TRPM5: variants seen among roughly 807,000 people sequenced by gnomAD.
TRPM5 encodes the protein MLSN1 and TRP-related.
Under a neutral mutation model 124.9 loss-of-function variants are expected in TRPM5, and 121 were observed. The observed-to-expected ratio is 0.97, with a 90% confidence interval of 0.84 to 1.13. The LOEUF (loss-of-function observed/expected upper bound fraction) is 1.13, where lower values mean the gene tolerates loss of function less well. TRPM5 is among the 50% of genes most tolerant of loss of function. TRPM5 has a pLI of 0.00. For synonymous variants in TRPM5, 781 were observed against 700.5 expected (o/e 1.11, Z -1.81); for missense variants, 1,643 against 1,589.1 (o/e 1.03, Z -0.58).
the TRPM5 span, among the ~76,000 whole-genome samples, chr11:2,432,043 G>A: frequency 6.6e-6 from 1 of 152,206 alleles, no homozygotes; most frequent in Non-Finnish European, 1.5e-5. Context: ...GAGGTGTCTA[G>A]GGGAGGCTGC....
upstream of TRPM5, among the ~76,000 whole-genome samples, chr11:2,426,234 G>A (rs1407738611): frequency 6.6e-6 from 1 of 152,180 alleles, no homozygotes; most frequent in Non-Finnish European, 1.5e-5. Flanking sequence ...GAGTAGCAGC[G>A]TGGGGCAGCC....
intron 7 of TRPM5, among the ~76,000 whole-genome samples, chr11:2,416,372 C>T (rs565859707): frequency 1.9e-4 from 29 of 152,306 alleles, no homozygotes; most frequent in African/African-American, 6.7e-4. Flanking sequence ...GTCGGGGGAG[C>T]AAGCTGGGCC....
intron 18 of TRPM5, 139 bp downstream of exon 23, chr11:2,411,213 C>T: frequency 9.1e-7 from 1 of 1,104,668 alleles, no homozygotes; most frequent in South Asian, 1.8e-5. Flanking sequence ...GACCAGGCCT[C>T]AGCCACTTCT....
At chr11:2,422,965 G>A in exon 1 of TRPM5, 1 of 1,613,096 alleles carries the variant, frequency 6.2e-7, no homozygotes, top group Admixed American at 1.7e-5. Context: ...CCTCGCCCCT[G>A]TGCAAGCCCA....
chr11:2,419,809 A>G (rs1845741378), intron 4 of TRPM5, among the ~76,000 whole-genome samples: 1 of 152,114 alleles, frequency 6.6e-6, no homozygotes, highest in Admixed American at 6.5e-5. Context: ...AGAGGTGCCC[A>G]TTTCTCGGGT....
exon 13 of TRPM5, chr11:2,413,564 C>T: frequency 6.2e-7 from 1 of 1,612,588 alleles, no homozygotes; most frequent in Non-Finnish European, 8.5e-7. Flanking sequence ...GCCATGTCCC[C>T]CCACCAGATC....
At chr11:2,437,661 A>T in the TRPM5 span, among the ~76,000 whole-genome samples, 3 of 152,146 alleles carry the variant, frequency 2.0e-5, no homozygotes, top group Non-Finnish European at 4.4e-5. This position sits in a 1 kb window ranked among gnomAD's most constrained non-coding sequence, Gnocchi z 5.6. Flanking sequence ...GGTCTCCTGC[A>T]CAGGAGAGAG....
At chr11:2,413,253 C>G (rs183407787) in intron 13 of TRPM5, 27 bp from the exon 19 acceptor site, 2 of 1,511,080 alleles carry the variant, frequency 1.3e-6, no homozygotes, top group Non-Finnish European at 1.8e-6. Flanking sequence ...GCTCAGGGCC[C>G]GCAGGAAGGG....
At chr11:2,442,907 C>T in the TRPM5 span, among the ~76,000 whole-genome samples, 1 of 152,234 alleles carries the variant, frequency 6.6e-6, no homozygotes, top group Non-Finnish European at 1.5e-5. This position sits in a 1 kb window ranked among gnomAD's most constrained non-coding sequence, Gnocchi z 5.9. Flanking sequence ...TTCTATAGGA[C>T]TGTCTGGCAG....
At chr11:2,406,121 G>T in intron 21 of TRPM5, 30 bp from the exon 27 acceptor site, 1 of 1,609,046 alleles carries the variant, frequency 6.2e-7, no homozygotes. Flanking sequence ...TCAGGCTGTG[G>T]ATGGCCACGC....
exon 24 of TRPM5, chr11:2,404,881 A>G (rs1157169919): frequency 6.8e-7 from 1 of 1,480,396 alleles, no homozygotes; most frequent in Non-Finnish European, 9.4e-7. Flanking sequence ...TCAGTGCACA[A>G]CGTGCAGGGT....
upstream of TRPM5, among the ~76,000 whole-genome samples, chr11:2,426,292 G>A (rs1024295794): frequency 8.5e-5 from 13 of 152,140 alleles, no homozygotes; most frequent in Non-Finnish European, 1.3e-4. Flanking sequence ...GCCCAGGCTC[G>A]GTGCCCCCCG....
At chr11:2,420,114 G>A (rs1845748792) in intron 4 of TRPM5, 108 bp downstream of exon 9, 3 of 1,335,064 alleles carry the variant, frequency 2.2e-6, no homozygotes, top group Non-Finnish European at 3.1e-6. Flanking sequence ...GTTCTGCCTG[G>A]GAAGCCCTCC....
At chr11:2,425,509 G>A (rs187278167), upstream of TRPM5, among the ~76,000 whole-genome samples, 1 of 152,274 alleles carries the variant, frequency 6.6e-6, no homozygotes, top group African/African-American at 2.4e-5. Flanking sequence ...TCCAAACGAG[G>A]TCATATTCTA....
intron 15 of TRPM5, 139 bp from the exon 21 acceptor site, chr11:2,412,392 C>T: frequency 1.6e-6 from 1 of 645,118 alleles, no homozygotes; most frequent in Non-Finnish European, 2.6e-6. Context: ...GACTAGGGGT[C>T]CACTGAAGCT....
At chr11:2,421,275 G>A in intron 2 of TRPM5, 77 bp from the exon 8 acceptor site, 1 of 1,449,118 alleles carries the variant, frequency 6.9e-7, no homozygotes, top group Non-Finnish European at 9.1e-7. Flanking sequence ...CTAACCCCTA[G>A]GCCCAATCAG....
At chr11:2,412,192 T>C (rs373788257) in exon 16 of TRPM5, 56 of 1,613,492 alleles carry the variant, frequency 3.5e-5, no homozygotes, top group Non-Finnish European at 4.7e-5. Context: ...CTTGTTCCAG[T>C]TGTCCCCCAC....
intron 18 of TRPM5, among the ~76,000 whole-genome samples, chr11:2,411,001 A>C (rs1469213336): frequency 2.0e-5 from 3 of 151,978 alleles, no homozygotes; most frequent in Non-Finnish European, 4.4e-5. Context: ...GTGCCTGCCT[A>C]TCCCTTCCCC....
chr11:2,436,519 G>C, the TRPM5 span, among the ~76,000 whole-genome samples: 1 of 152,250 alleles, frequency 6.6e-6, no homozygotes, highest in Non-Finnish European at 1.5e-5. Context: ...CTGGGCCCAG[G>C]AAAGGGCTAT....
Sources: gnomAD v4.1 joint callset for allele counts (sites outside exome capture counted in the v4.1 genomes callset) on GRCh38, gnomAD v4.1.1 for gene constraint, Gnocchi (gnomAD v3.1) non-coding constraint, MANE v1.5 for transcripts, NCBI Gene and HGNC (gene_info 2026-07-23, HGNC 2026-07-21) for gene names.